Variants in MARCHF3 observed in about 807,000 individuals in gnomAD.
MARCHF3 encodes membrane associated ring-CH-type finger 3, also known as E3 ubiquitin-protein ligase MARCHF3.
MARCHF3 carries 13 observed loss-of-function variants against 24.2 expected under a neutral mutation model. The observed-to-expected ratio is 0.54, with a 90% CI of 0.35 to 0.85. The LOEUF (loss-of-function observed/expected upper bound fraction) is 0.85. Ranked by LOEUF, MARCHF3 falls within the 40% of genes least tolerant of loss-of-function variation. MARCHF3 has a pLI of 0.01. For synonymous variants in MARCHF3, 144 were observed against 137.3 expected, an observed-to-expected ratio of 1.05 and a Z score of -0.34; for missense variants, 276 against 325.0, an observed-to-expected ratio of 0.85 and a Z score of 1.16.
chr5:126,909,001 T>C (rs1026628038), intron 3 of MARCHF3, among the ~76,000 whole-genome samples: 13 of 152,194 alleles, frequency 8.5e-5, no homozygotes, highest in Non-Finnish European at 1.9e-4. Context: ...GGGTTTTTGG[T>C]GTGGATGTCC....
At chr5:126,910,462 G>T (rs1195487015) in intron 3 of MARCHF3, among the ~76,000 whole-genome samples, 4 of 152,164 alleles carry the variant, frequency 2.6e-5, no homozygotes, top group African/African-American at 9.6e-5. Context: ...CCTCCTTTTT[G>T]CTATCTACTA....
intron 3 of MARCHF3, among the ~76,000 whole-genome samples, chr5:126,904,636 C>A (rs2126785238): frequency 6.7e-6 from 1 of 149,350 alleles, no homozygotes; most frequent in South Asian, 2.2e-4. Context: ...CTGTTCATGT[C>A]CTTCGCCCAC....
At chr5:126,937,128 C>T (rs1273141066) in intron 1 of MARCHF3, among the ~76,000 whole-genome samples, 1 of 152,230 alleles carries the variant, frequency 6.6e-6, no homozygotes, top group Non-Finnish European at 1.5e-5. Context: ...TCACAAATGT[C>T]CCCAGCTACA....
chr5:126,893,195 T>A (rs1442388944), intron 3 of MARCHF3, among the ~76,000 whole-genome samples: 1 of 152,116 alleles, frequency 6.6e-6, no homozygotes, highest in Admixed American at 6.6e-5. Context: ...TCTTTATTAG[T>A]CTTGCTAGTG....
intron 1 of MARCHF3, among the ~76,000 whole-genome samples, chr5:126,981,560 G>A (rs750246277): frequency 3.9e-5 from 6 of 152,232 alleles, no homozygotes; most frequent in Non-Finnish European, 8.8e-5. Context: ...AGAAATGGTT[G>A]TAGGATATTA....
At chr5:126,943,305 TG>T (rs1045592220) in intron 1 of MARCHF3, among the ~76,000 whole-genome samples, 68 of 150,596 alleles carry the variant, frequency 4.5e-4, no homozygotes, top group African/African-American at 1.6e-3. Flanking sequence ...GAGCTGTGCA[TG>T]ATGGCTCACA....
chr5:127,017,767 G>T (rs72782310), intron 1 of MARCHF3, among the ~76,000 whole-genome samples: 1 of 152,080 alleles, frequency 6.6e-6, no homozygotes, highest in African/African-American at 2.4e-5. Flanking sequence ...TTATATCAAA[G>T]AACTTTGATA....
chr5:126,903,656 A>G (rs1013823805), intron 3 of MARCHF3, among the ~76,000 whole-genome samples: 15 of 152,114 alleles, frequency 9.9e-5, no homozygotes, highest in South Asian at 4.1e-4. Flanking sequence ...TAAAATCTCT[A>G]TATAATCTAT....
intron 3 of MARCHF3, among the ~76,000 whole-genome samples, chr5:126,881,844 CAGAT>C (rs1168071833): frequency 2.0e-5 from 3 of 152,124 alleles, no homozygotes; most frequent in Non-Finnish European, 2.9e-5. Context: ...GTGTACAAAA[CAGAT>C]AGAAAGGGAG....
At chr5:127,016,338 G>A (rs1344305176) in intron 1 of MARCHF3, among the ~76,000 whole-genome samples, 3 of 152,062 alleles carry the variant, frequency 2.0e-5, no homozygotes, top group Non-Finnish European at 4.4e-5. Context: ...TCTACAGAAT[G>A]GGAGAAAATT....
chr5:126,926,962 T>A (rs1749316961), intron 1 of MARCHF3, among the ~76,000 whole-genome samples: 1 of 152,076 alleles, frequency 6.6e-6, no homozygotes, highest in South Asian at 2.1e-4. Context: ...ACAGTTCTCA[T>A]TACCCCTGCC....
chr5:126,992,766 A>ATTTTTTTTTTTTTTTTTTTT (rs757479478), intron 1 of MARCHF3, among the ~76,000 whole-genome samples: 4 of 95,502 alleles, frequency 4.2e-5, no homozygotes, highest in South Asian at 4.0e-4. Context: ...CATCCACGTG[A>ATTTTTTTTTTTTTTTTTTTT]TTTTTTTTTT....
chr5:126,928,254 GA>G (rs745462813), intron 1 of MARCHF3, among the ~76,000 whole-genome samples: 1 of 152,250 alleles, frequency 6.6e-6, no homozygotes, highest in Non-Finnish European at 1.5e-5. Context: ...TAATAAATGT[GA>G]AAAATACATG....
intron 3 of MARCHF3, among the ~76,000 whole-genome samples, chr5:126,879,680 G>C (rs147763147): frequency 1.5e-3 from 224 of 152,320 alleles, no homozygotes; most frequent in African/African-American, 5.2e-3. Context: ...ATTCACATGA[G>C]TAATGAGGCC....
At chr5:126,979,249 C>A (rs1238029292) in intron 1 of MARCHF3, among the ~76,000 whole-genome samples, 1 of 152,130 alleles carries the variant, frequency 6.6e-6, no homozygotes, top group East Asian at 1.9e-4. Flanking sequence ...AGGACATGGA[C>A]CACATGTTTC....
chr5:126,951,582 G>A (rs10491284), intron 1 of MARCHF3, among the ~76,000 whole-genome samples: 70,159 of 152,028 alleles, frequency 0.46, 16,728 homozygotes, highest in East Asian at 0.67. Context: ...GAACTTGAGC[G>A]TGAGCAATGA....
chr5:126,953,031 A>C (rs984058604), intron 1 of MARCHF3, among the ~76,000 whole-genome samples: 5 of 152,186 alleles, frequency 3.3e-5, no homozygotes, highest in Admixed American at 1.3e-4. Flanking sequence ...TTGAGGGAAA[A>C]TGTTCCAAAC....
Position 126,898,881 on chromosome 5 carries a change from T to C in MARCHF3, c.393+16049A>G, listed in dbSNP as rs796514141. ...ATAATGAGTAGAAAACATTTCATTT[T>C]CTTCTTGTAATCTGACTTCAATCTT... On this transcript the variant is annotated intron_variant, in intron 3 of 4. Coordinates refer to ENST00000308660, the MANE Select transcript of MARCHF3 (RefSeq NM_178450.5). 4.1e-5 allele frequency: 40 copies of C among 984,136 alleles called. No individual in the cohort carries two copies. In the African/African-American group the frequency reaches 6.8e-4, roughly 17 times the overall value. The allele number at this position is 984,136 out of a possible 1,614,324, so 61.0% of individuals were successfully genotyped here.
chr5:126,881,297 CT>C (rs1753333101), intron 3 of MARCHF3, among the ~76,000 whole-genome samples: 1 of 152,108 alleles, frequency 6.6e-6, no homozygotes, highest in African/African-American at 2.4e-5. Flanking sequence ...AATTGTGTAT[CT>C]TCTGCAGAGC....
Sources: allele counts gnomAD v4.1 joint callset (sites outside exome capture counted in the v4.1 genomes callset), GRCh38; gene constraint gnomAD v4.1.1; transcripts MANE v1.5; gene names NCBI Gene and HGNC (gene_info 2026-07-23, HGNC 2026-07-21).